FHIP2B: variants seen among roughly 807,000 people sequenced by gnomAD.
The protein encoded by FHIP2B is FHF complex subunit HOOK-interacting protein 2B.
Under a neutral mutation model 84.0 loss-of-function variants are expected in FHIP2B, and 72 were observed. The ratio of observed to expected loss-of-function variants is 0.86; its 90% CI spans 0.71 to 1.04. FHIP2B has a LOEUF of 1.04. Ranked by LOEUF, FHIP2B falls within the 50% of genes least tolerant of loss-of-function variation. The pLI is 0.00. For synonymous variants in FHIP2B, 497 were observed against 418.7 expected, an observed-to-expected ratio of 1.19 and a Z score of -2.28; for missense variants, 972 against 968.9, an observed-to-expected ratio of 1.00 and a Z score of -0.04.
At chr8:22,097,642 G>T in intron 4 of FHIP2B, 22 bp downstream of exon 4, 2 of 1,603,260 alleles carry the variant, frequency 1.2e-6, no homozygotes, top group Non-Finnish European at 1.7e-6. Context: ...GGAAGCCAAG[G>T]GGTGTCTGGG....
At chr8:22,090,120 T>C (rs1231046195) in intron 1 of FHIP2B, among the ~76,000 whole-genome samples, 1 of 95,598 alleles carries the variant, frequency 1.0e-5, no homozygotes, top group Non-Finnish European at 2.0e-5. Flanking sequence ...GATGTAGCGC[T>C]GTGTAGGAAG....
Position 22,098,205 on chromosome 8 carries a change from G to A in FHIP2B, c.663G>A (p.Gly221=), listed in dbSNP as rs368245254. 6.3e-7 allele frequency: 1 copy of A among 1,581,658 alleles called. No homozygotes were observed. The highest frequency in any genetic ancestry group is 8.6e-7 in the Non-Finnish European group (1 of 1,164,584). Residue 221 remains glycine (G), a synonymous_variant, in exon 6 of 17, where the codon GGG becomes GGA. Coordinates refer to ENST00000289921, the MANE Select transcript of FHIP2B (RefSeq NM_022749.7). ...CCCAGCTGGACGGGGAGTCCTGTGG[G>A]GCCCAGGCCTTGAACAGCCACATGC... ...ARPQLDGESC[G]AQALNSHMPA...
rs1000409059 is a variant in FHIP2B, at chr8:22,098,300, G to T, written c.758G>T (p.Cys253Phe). The T allele has an allele frequency of 4.0e-6, 6 of 1,510,512 alleles. No homozygotes were observed. In the African/African-American group the frequency reaches 7.1e-5, roughly 18 times the overall value. 93.6% of individuals were successfully genotyped at this position (1,510,512 alleles called of 1,614,324 possible). A position where few individuals can be genotyped will look rare whatever the true frequency, so the allele number is the denominator to read the frequency against. The change falls in exon 6 of 17, where the codon TGC becomes TTC. Residue 253 changes from cysteine (C) to phenylalanine (F), a missense_variant. Physicochemically the swap from Cys to Phe is radical, Grantham distance 205. Transcript: ENST00000289921. ...CTGATTACCTCCCTGCTTGGGCTGT[G>T]CCAGAGCAAGGTGCTGGCAGCAGAG... The part of the protein sequence containing the change: ...SNLITSLLGL[C>F]QSKKSRVALK...
At chr8:22,090,907 C>G (rs990618661) in intron 1 of FHIP2B, among the ~76,000 whole-genome samples, 1 of 152,156 alleles carries the variant, frequency 6.6e-6, no homozygotes, top group African/African-American at 2.4e-5. Flanking sequence ...CATGAGCCAC[C>G]GCACCCGGCT....
Position 22,096,519 on chromosome 8 carries a change from C to G in FHIP2B, c.297+10C>G. 1 of 1,512,696 alleles carries G rather than the reference C, an allele frequency of 6.6e-7. No individual in the cohort carries two copies. Among genetic ancestry groups the G allele is most frequent in the Non-Finnish European group, 8.9e-7 (1 of 1,125,640 alleles). 93.7% of individuals were successfully genotyped at this position (1,512,696 alleles called of 1,614,324 possible). A position where few individuals can be genotyped will look rare whatever the true frequency, so the allele number is the denominator to read the frequency against. ...GCTGGGCAAGGCCGAGGTGGGAGGC[C>G]CTCTGCGCGCTGGGCCAGGCCGAGG... On this transcript the variant is annotated intron_variant, in intron 3 of 16. Transcript: ENST00000289921.
Position 22,099,906 on chromosome 8 carries a change from A to G in FHIP2B, c.1341+13A>G, listed in dbSNP as rs768164801. 9 of 1,592,030 alleles carry G rather than the reference A, an allele frequency of 5.7e-6. No homozygotes were observed. Among genetic ancestry groups the G allele is most frequent in the Admixed American group, 1.8e-5 (1 of 55,078 alleles). On this transcript the variant is annotated intron_variant, in intron 10 of 16. Coordinates refer to ENST00000289921, the MANE Select transcript of FHIP2B (RefSeq NM_022749.7). ...CCTCTCTGATGAGGTACAGTGGGGG[A>G]CCTCCATCTCTGTTCCTCTCACCAC...
chr8:22,093,507 C>T (rs763028197), intron 1 of FHIP2B, among the ~76,000 whole-genome samples: 5 of 152,006 alleles, frequency 3.3e-5, no homozygotes, highest in Non-Finnish European at 7.4e-5. Context: ...GAGGAGGAAA[C>T]GAGAACAGCA....
chr8:22,099,773 G>A lies in FHIP2B; in HGVS notation c.1221G>A (p.Ala407=). ...TAMLRQLRSP[A]LLREAVAFLL... is the part of the protein sequence containing the mutation. Reference sequence around the variant, plus strand: ...TGCTGCGCCAGCTTCGCTCCCCTGCGCTGCTGCGGGAGGCCGTGGCTTTCC... The same window carrying A: ...TGCTGCGCCAGCTTCGCTCCCCTGCACTGCTGCGGGAGGCCGTGGCTTTCC... The change falls in exon 10 of 17, where the codon GCG becomes GCA. Residue 407 remains alanine, a synonymous_variant. Coordinates refer to ENST00000289921, the MANE Select transcript of FHIP2B (RefSeq NM_022749.7). 4 of 1,611,846 alleles carry A rather than the reference G, an allele frequency of 2.5e-6. No individual in the cohort carries two copies. Among genetic ancestry groups the A allele is most frequent in the Non-Finnish European group, 3.4e-6 (4 of 1,179,636 alleles).
chr8:22,101,988 G>A lies in FHIP2B; in HGVS notation c.1851+137G>A, dbSNP rs59827164. On this transcript the variant is annotated intron_variant, in intron 14 of 16. Coordinates refer to ENST00000289921, the MANE Select transcript of FHIP2B (RefSeq NM_022749.7). Reference sequence around the variant, plus strand: ...GTCCTTTCCCCAGGTGGGAAGCCCCGTCTCACCCCTGCTCCACACGTCCTA... The same window carrying A: ...GTCCTTTCCCCAGGTGGGAAGCCCCATCTCACCCCTGCTCCACACGTCCTA... The A allele has an allele frequency of 3.9e-4, 583 of 1,500,460 alleles. 3 individuals carry two copies. In the African/African-American group the frequency reaches 6.4e-3, roughly 17 times the overall value. The allele number at this position is 1,500,460 out of a possible 1,614,324, so 92.9% of individuals were successfully genotyped here. A position where few individuals can be genotyped will look rare whatever the true frequency, so the allele number is the denominator to read the frequency against.
In FHIP2B at chr8:22,097,522, C is replaced by G. The variant is rs1283612574; in HGVS notation, c.304C>G (p.Pro102Ala). The G allele has an allele frequency of 1.9e-6, 3 of 1,604,436 alleles. No individual in the cohort carries two copies. The highest frequency in any genetic ancestry group is 1.7e-6 in the Non-Finnish European group (2 of 1,176,376). Residue 102 changes from proline (P) to alanine (A), a missense_variant, in exon 4 of 17, where the codon CCA becomes GCA. Coordinates refer to ENST00000289921, the MANE Select transcript of FHIP2B (RefSeq NM_022749.7). ...GCTCTGTCCCTGGCCTCAGTACCCCCCAGGCATGCGGCAGCAGGTGTTCCA... is the reference window on the plus strand; with the variant it reads ...GCTCTGTCCCTGGCCTCAGTACCCCGCAGGCATGCGGCAGCAGGTGTTCCA... Reference protein sequence around the residue: ...LCTLGKAEYPPGMRQQVFQFF... With the variant: ...LCTLGKAEYPAGMRQQVFQFF...
intron 2 of FHIP2B, chr8:22,096,066 T>G: frequency 2.9e-6 from 1 of 347,904 alleles, no homozygotes; most frequent in East Asian, 6.0e-5. Context: ...CATCCTAGGG[T>G]TTGAAGGAAA....
At position 22,098,177 on chromosome 8, in the gene FHIP2B, G is replaced by A; in HGVS notation, c.635G>A (p.Arg212Lys). Residue 212 changes from arginine to lysine, a missense_variant, in exon 6 of 17, where the codon AGG becomes AAG. Arg to Lys is a conservative substitution (Grantham distance 26). Coordinates refer to ENST00000289921, the MANE Select transcript of FHIP2B (RefSeq NM_022749.7). The stretch of plus-strand genomic sequence containing the variant: ...TGCTCCCACGATGGTGCTCCTGCCA[G>A]GCCCCAGCTGGACGGGGAGTCCTGT... ...KDCSHDGAPA[R>K]PQLDGESCGA... 1 of 1,575,384 alleles carries A rather than the reference G, an allele frequency of 6.3e-7. No individual in the cohort carries two copies. The highest frequency in any genetic ancestry group is 8.6e-7 in the Non-Finnish European group (1 of 1,161,048).
At chr8:22,094,707 G>A in intron 2 of FHIP2B, 189 bp downstream of exon 2, 2 of 1,415,474 alleles carry the variant, frequency 1.4e-6, no homozygotes. Flanking sequence ...CACTCCTGAT[G>A]ATTTAGCTGC....
At chr8:22,090,497 C>A (rs910654272) in intron 1 of FHIP2B, among the ~76,000 whole-genome samples, 2 of 152,168 alleles carry the variant, frequency 1.3e-5, no homozygotes, top group Non-Finnish European at 2.9e-5. Flanking sequence ...TTCCCCCATC[C>A]CCAGTCAAAA....
chr8:22,098,958 G>T lies in FHIP2B; in HGVS notation c.976G>T (p.Ala326Ser). Reference sequence around the variant, plus strand: ...CCCCTCTTCCTTCAGGTTACCCAGTGCCCCGTCTGATGAGGCTTCCTTCCC... The same window carrying T: ...CCCCTCTTCCTTCAGGTTACCCAGTTCCCCGTCTGATGAGGCTTCCTTCCC... ...LEGISWRLPSAPSDEASFPGK... is the reference protein window; with the variant it reads ...LEGISWRLPSSPSDEASFPGK... The change falls in exon 8 of 17, where the codon GCC becomes TCC. Residue 326 changes from alanine (A) to serine (S), a missense_variant. Ala to Ser is a moderately conservative substitution (Grantham distance 99). Coordinates refer to ENST00000289921, the MANE Select transcript of FHIP2B (RefSeq NM_022749.7). 1.2e-6 allele frequency: 2 copies of T among 1,604,616 alleles called. 1 individual carries two copies. The highest frequency in any genetic ancestry group is 2.3e-5 in the South Asian group (2 of 88,886).
Position 22,103,037 on chromosome 8 carries a change from C to T in FHIP2B, c.*106C>T. 1 of 1,404,822 alleles carries T rather than the reference C, an allele frequency of 7.1e-7. No homozygotes were observed. The highest frequency in any genetic ancestry group is 9.5e-7 in the Non-Finnish European group (1 of 1,049,644). The allele number at this position is 1,404,822 out of a possible 1,614,324, so 87.0% of individuals were successfully genotyped here. ...CCCTCCTGGGATGGGGCTTCTGCTC[C>T]CGGGCTCACTCAAGGAGACTGCGGC... is the stretch of plus-strand genomic sequence containing the variant. On this transcript the variant is annotated 3_prime_UTR_variant, in exon 17 of 17. Coordinates refer to ENST00000289921, the MANE Select transcript of FHIP2B (RefSeq NM_022749.7).
rs1453629391 is a variant in FHIP2B at position 22,103,975 on chromosome 8, C to T, written c.*1044C>T. On this transcript the variant is annotated 3_prime_UTR_variant, in exon 17 of 17. Coordinates refer to ENST00000289921, the MANE Select transcript of FHIP2B (RefSeq NM_022749.7). ...ACGGGCGGCGCCAGGCATTACCTCACAGCGGGACTACACAGTTGCTGGCTT... is the reference window on the plus strand; with the variant it reads ...ACGGGCGGCGCCAGGCATTACCTCATAGCGGGACTACACAGTTGCTGGCTT... The T allele has an allele frequency of 6.5e-6, 1 of 152,686 alleles. No individual in the cohort carries two copies. Among genetic ancestry groups the T allele is most frequent in the Non-Finnish European group, 1.5e-5 (1 of 68,086 alleles). The allele number at this position is 152,686 out of a possible 1,614,324, so 9.5% of individuals were successfully genotyped here. A position where few individuals can be genotyped will look rare whatever the true frequency, so the allele number is the denominator to read the frequency against.
At chr8:22,096,141 G>A in intron 2 of FHIP2B, 196 bp from the exon 3 acceptor site, 1 of 560,934 alleles carries the variant, frequency 1.8e-6, no homozygotes, top group Non-Finnish European at 3.1e-6. Flanking sequence ...TGTGTCCTGA[G>A]CCTGGAAGGA....
Position 22,097,558 on chromosome 8 carries a change from A to G in FHIP2B, c.340A>G (p.Lys114Glu), listed in dbSNP as rs772912123. The G allele has an allele frequency of 6.2e-7, 1 of 1,610,618 alleles. No individual in the cohort carries two copies. The highest frequency in any genetic ancestry group is 1.1e-5 in the South Asian group (1 of 90,232). The change falls in exon 4 of 17, where the codon AAG becomes GAG. Residue 114 changes from lysine to glutamate, a missense_variant. Physicochemically the swap from Lys to Glu is moderately conservative, Grantham distance 56. Coordinates refer to ENST00000289921, the MANE Select transcript of FHIP2B (RefSeq NM_022749.7). ...MRQQVFQFFS[K>E]VLAQVQHPLL... ...GCAGCAGGTGTTCCAGTTCTTCAGC[A>G]AGGTTCTGGCGCAGGTGCAGCACCC...
Sources: allele counts gnomAD v4.1 joint callset (sites outside exome capture counted in the v4.1 genomes callset), GRCh38; gene constraint gnomAD v4.1.1; transcripts MANE v1.5; gene names NCBI Gene and HGNC (gene_info 2026-07-23, HGNC 2026-07-21).